Variants in COL11A2 observed in about 807,000 individuals in gnomAD.
COL11A2 encodes the protein collagen type XI alpha 2 chain, also known as collagen alpha-2(XI) chain.
A neutral mutation model predicts 273.4 loss-of-function variants in COL11A2; 116 were observed. The ratio of observed to expected loss-of-function variants is 0.42; its 90% CI spans 0.36 to 0.49. The LOEUF is 0.49. Ranked by LOEUF, COL11A2 falls within the 20% of genes least tolerant of loss-of-function variation. The pLI is 0.00. For missense variants in COL11A2, 1,866 were observed against 2,309.0 expected, an observed-to-expected ratio of 0.81 and a Z score of 3.93; for synonymous variants, 782 against 864.2, an observed-to-expected ratio of 0.90 and a Z score of 1.67.
Position 33,184,846 on chromosome 6 carries a change from A to T in COL11A2, c.939+146T>A, listed in dbSNP as rs999295689. 9 of 694,836 alleles carry T rather than the reference A, an allele frequency of 1.3e-5. No individual in the cohort carries two copies. In the East Asian group the frequency reaches 2.4e-4, roughly 19 times the overall value. 43.0% of individuals were successfully genotyped at this position (694,836 alleles called of 1,614,324 possible). A position where few individuals can be genotyped will look rare whatever the true frequency, so the allele number is the denominator to read the frequency against. On this transcript the variant is annotated intron_variant, in intron 7 of 65. Transcript: ENST00000341947. ...CAAGCAGGCCCATAGTTCTAGAGTGACCCAAAGACAGAGGCCATCGATGGA... is the reference window on the plus strand; with the variant it reads ...CAAGCAGGCCCATAGTTCTAGAGTGTCCCAAAGACAGAGGCCATCGATGGA...
At position 33,178,346 on chromosome 6, in the gene COL11A2, C is replaced by T. The variant is rs1771216696; in HGVS notation, c.1780G>A (p.Asp594Asn). The change falls in exon 20 of 66, where the codon GAC (aspartate) becomes AAC (asparagine). Residue 594 changes from aspartate to asparagine, a missense_variant. Coordinates refer to ENST00000341947, the MANE Select transcript of COL11A2 (RefSeq NM_080680.3). The surrounding 1 kb of genome is among the most constrained non-coding windows in gnomAD (Gnocchi z 4.6). Reference protein sequence around the residue: ...PPGEDGERGDDGEIGPRGLPG... With the variant: ...PPGEDGERGDNGEIGPRGLPG... ...AGCCCTCGAGGCCCAATCTCCCCGT[C>T]ATCTCCCTGGAGGAGGAGGACACGG... The T allele has an allele frequency of 6.2e-7, 1 of 1,612,992 alleles. No homozygotes were observed. Among genetic ancestry groups the T allele is most frequent in the Non-Finnish European group, 8.5e-7 (1 of 1,179,990 alleles).
chr6:33,191,248 T>G (rs1239366853), intron 1 of COL11A2, among the ~76,000 whole-genome samples: 1 of 152,222 alleles, frequency 6.6e-6, no homozygotes, highest in African/African-American at 2.4e-5. Context: ...TTCTGTAATC[T>G]AATCTAAATC....
At position 33,170,979 on chromosome 6, in the gene COL11A2, C is replaced by G. The variant is rs977770718; in HGVS notation, c.3367-62G>C. ...GGATGGGTCATGGGTCAGGTGTTCTCTATCCACAAATACCACACACAGCTG... is the reference window on the plus strand; with the variant it reads ...GGATGGGTCATGGGTCAGGTGTTCTGTATCCACAAATACCACACACAGCTG... On this transcript the variant is annotated intron_variant, in intron 45 of 65. Coordinates refer to ENST00000341947, the MANE Select transcript of COL11A2 (RefSeq NM_080680.3). This position sits in a 1 kb window ranked among gnomAD's most constrained non-coding sequence, Gnocchi z 4.3. 31 of 1,591,264 alleles carry G rather than the reference C, an allele frequency of 1.9e-5. No individual in the cohort carries two copies. In the African/African-American group the frequency reaches 3.5e-4, roughly 18 times the overall value.
rs548592690 is a variant in COL11A2 at position 33,173,349 on chromosome 6, A to G, written c.2735T>C (p.Val912Ala). The G allele has an allele frequency of 1.9e-5, 31 of 1,610,756 alleles. No homozygotes were observed. In the East Asian group the frequency reaches 6.9e-4, roughly 36 times the overall value. ...TGGGTAGCCAGGAGCATCACTCACCACTTCTCCTCTTTGGCCTGGGTGTCC... is the reference window on the plus strand; with the variant it reads ...TGGGTAGCCAGGAGCATCACTCACCGCTTCTCCTCTTTGGCCTGGGTGTCC... ...LPGHPGQRGE[V>A]GFQGKTGPPG... Residue 912 changes from valine (V) to alanine (A), a missense_variant and splice_region_variant, in exon 37 of 66, where the codon GTG (valine) becomes GCG (alanine). Transcript: ENST00000341947. The surrounding 1 kb of genome is among the most constrained non-coding windows in gnomAD (Gnocchi z 6.3).
upstream of COL11A2, among the ~76,000 whole-genome samples, chr6:33,193,372 GC>G (rs1171688891): frequency 7.2e-4 from 97 of 134,872 alleles, 2 homozygotes; most frequent in Non-Finnish European, 2.3e-4. Flanking sequence ...AGAATCCACC[GC>G]CCCCCCTTCC....
chr6:33,176,752 T>A lies in COL11A2; in HGVS notation c.2084A>T (p.Lys695Met). ...GSDGPPGHPG[K>M]EGPPGTKGNQ... ...TCCTTTGGTTCCAGGGGGACCTTCC[T>A]TCCCTGGGTGACCCTGGGAGTAAGG... The change falls in exon 26 of 66, where the codon AAG (lysine) becomes ATG (methionine). Residue 695 changes from lysine (K) to methionine (M), a missense_variant. Lys to Met is a moderately conservative substitution (Grantham distance 95). Transcript: ENST00000341947. This position sits in a 1 kb window ranked among gnomAD's most constrained non-coding sequence, Gnocchi z 4.9. The A allele has an allele frequency of 6.2e-7, 1 of 1,613,150 alleles. No homozygotes were observed. Among genetic ancestry groups the A allele is most frequent in the South Asian group, 1.1e-5 (1 of 90,872 alleles).
Position 33,175,686 on chromosome 6 carries a change from G to A in COL11A2, c.2269-5C>T. On this transcript the variant is annotated splice_polypyrimidine_tract_variant and splice_region_variant and intron_variant, in intron 29 of 65. Coordinates refer to ENST00000341947, the MANE Select transcript of COL11A2 (RefSeq NM_080680.3). Reference sequence around the variant, plus strand: ...ACCAGGGACTCCAACTTCGCCCTGTGTGAGAGGGAAGGACAGGTGAGTGCT... The same window carrying A: ...ACCAGGGACTCCAACTTCGCCCTGTATGAGAGGGAAGGACAGGTGAGTGCT... 6.2e-7 allele frequency: 1 copy of A among 1,612,356 alleles called. No homozygotes were observed. The highest frequency in any genetic ancestry group is 8.5e-7 in the Non-Finnish European group (1 of 1,179,364).
Position 33,167,709 on chromosome 6 carries a change from G to T in COL11A2, c.4014+90C>A. 1.3e-6 allele frequency: 2 copies of T among 1,530,240 alleles called. No homozygotes were observed. The highest frequency in any genetic ancestry group is 1.8e-6 in the Non-Finnish European group (2 of 1,111,930). The allele number at this position is 1,530,240 out of a possible 1,614,324, so 94.8% of individuals were successfully genotyped here. On this transcript the variant is annotated intron_variant, in intron 55 of 65. Transcript: ENST00000341947. The surrounding 1 kb of genome is among the most constrained non-coding windows in gnomAD (Gnocchi z 6.1). ...CCCATAAGGGCCCAACATGGGAGAG[G>T]TGGAGATGGGGTGGGCATCTGGAGA...
Position 33,170,659 on chromosome 6 carries a change from C to T in COL11A2, c.3475-49G>A, listed in dbSNP as rs749470375. 1.9e-6 allele frequency: 3 copies of T among 1,610,076 alleles called. No homozygotes were observed. The highest frequency in any genetic ancestry group is 2.5e-6 in the Non-Finnish European group (3 of 1,177,590). On this transcript the variant is annotated intron_variant, in intron 46 of 65. Coordinates refer to ENST00000341947, the MANE Select transcript of COL11A2 (RefSeq NM_080680.3). This position sits in a 1 kb window ranked among gnomAD's most constrained non-coding sequence, Gnocchi z 4.3. ...GCCCAGGTGACGACCCCACCCAAAG[C>T]ACAGCCCTAGGCAGATAGGCCCCAC... is the stretch of plus-strand genomic sequence containing the variant.
intron 6 of COL11A2, 124 bp downstream of exon 6, chr6:33,185,577 C>A: frequency 2.0e-6 from 1 of 500,336 alleles, no homozygotes; most frequent in Non-Finnish European, 4.0e-6. Flanking sequence ...CTAAGTAAAT[C>A]CCCATAATCT....
Position 33,192,236 on chromosome 6 carries a change from T to A in COL11A2, c.5A>T (p.Glu2Val). 1 of 1,558,644 alleles carries A rather than the reference T, an allele frequency of 6.4e-7. No homozygotes were observed. The highest frequency in any genetic ancestry group is 8.7e-7 in the Non-Finnish European group (1 of 1,151,568). ...GAGGCGATGGCAGCGGCTGCACCGC[T>A]CCATGGCTGAGAAGCCGAAACGCCG... M[E>V]RCSRCHRLLL... Residue 2 changes from glutamate (E) to valine (V), a missense_variant, in exon 1 of 66, where the codon GAG becomes GTG. Transcript: ENST00000341947.
Position 33,165,894 on chromosome 6 carries a change from G to C in COL11A2, c.4482+37C>G, listed in dbSNP as rs1314133253. 4 of 1,613,710 alleles carry C rather than the reference G, an allele frequency of 2.5e-6. No individual in the cohort carries two copies. The Admixed American group carries it at 5.0e-5, about 20-fold the overall frequency. On this transcript the variant is annotated intron_variant, in intron 62 of 65. Coordinates refer to ENST00000341947, the MANE Select transcript of COL11A2 (RefSeq NM_080680.3). The surrounding 1 kb of genome is among the most constrained non-coding windows in gnomAD (Gnocchi z 7.7). ...AAGTGTGGCAGCAGTGGAGCAGAGG[G>C]GTACGGCCCTGGGAGCAGCCCTGAC... is the stretch of plus-strand genomic sequence containing the variant.
At position 33,176,972 on chromosome 6, in the gene COL11A2, G is replaced by A. The variant is rs773820640; in HGVS notation, c.2070+20C>T. ...TGGAAGGCCAAGGGGAACTGGATTCGGAAGTGGGGTCCCACTCACCGGGGG... is the reference window on the plus strand; with the variant it reads ...TGGAAGGCCAAGGGGAACTGGATTCAGAAGTGGGGTCCCACTCACCGGGGG... On this transcript the variant is annotated intron_variant, in intron 25 of 65. Coordinates refer to ENST00000341947, the MANE Select transcript of COL11A2 (RefSeq NM_080680.3). This position sits in a 1 kb window ranked among gnomAD's most constrained non-coding sequence, Gnocchi z 4.9. The A allele has an allele frequency of 3.6e-5, 58 of 1,608,044 alleles. No individual in the cohort carries two copies. The highest frequency in any genetic ancestry group is 1.1e-4 in the South Asian group (10 of 90,032).
intron 8 of COL11A2, among the ~76,000 whole-genome samples, chr6:33,182,511 AGACCAG>A (rs1460508343): frequency 6.6e-6 from 1 of 152,030 alleles, no homozygotes; most frequent in Non-Finnish European, 1.5e-5. Context: ...CAGTAGTTTG[AGACCAG>A]CCTGGCCAAC....
chr6:33,163,721 C>T lies in COL11A2; in HGVS notation c.5168G>A (p.Arg1723Lys), dbSNP rs912572166. 7 of 1,613,014 alleles carry T rather than the reference C, an allele frequency of 4.3e-6. No homozygotes were observed. The highest frequency in any genetic ancestry group is 5.1e-6 in the Non-Finnish European group (6 of 1,180,040). The change falls in exon 66 of 66, where the codon AGG (arginine) becomes AAG (lysine). Residue 1723 changes from arginine (R) to lysine (K), a missense_variant. By Grantham distance (26) the Arg-to-Lys change is conservative. Coordinates refer to ENST00000341947, the MANE Select transcript of COL11A2 (RefSeq NM_080680.3). This position sits in a 1 kb window ranked among gnomAD's most constrained non-coding sequence, Gnocchi z 4.1. ...AGGCCCCAGCAGCACCCCTCCCCGC[C>T]TCGGTGGGGCTCCCAGGTCTGAGAA... Reference protein sequence around the residue: ...ASFSDLGAPPRRGGVLLGPVC... With the variant: ...ASFSDLGAPPKRGGVLLGPVC...
In COL11A2 at chr6:33,165,436, C is replaced by T; in HGVS notation, c.4750+113G>A. ...TAAATAGCTGCAGTTCCCAGCCCCTCAGCCCTCACCCTTAACCCAACACCT... is the reference window on the plus strand; with the variant it reads ...TAAATAGCTGCAGTTCCCAGCCCCTTAGCCCTCACCCTTAACCCAACACCT... On this transcript the variant is annotated intron_variant, in intron 63 of 65. Coordinates refer to ENST00000341947, the MANE Select transcript of COL11A2 (RefSeq NM_080680.3). The surrounding 1 kb of genome is among the most constrained non-coding windows in gnomAD (Gnocchi z 7.7). 2 of 1,515,186 alleles carry T rather than the reference C, an allele frequency of 1.3e-6. No homozygotes were observed. The highest frequency in any genetic ancestry group is 1.8e-6 in the Non-Finnish European group (2 of 1,105,884). 93.9% of individuals were successfully genotyped at this position (1,515,186 alleles called of 1,614,324 possible).
In COL11A2 at chr6:33,167,454, T is replaced by C. The variant is rs1769324408; in HGVS notation, c.4094A>G (p.Asp1365Gly). 6.3e-7 allele frequency: 1 copy of C among 1,583,550 alleles called. No homozygotes were observed. Among genetic ancestry groups the C allele is most frequent in the African/African-American group, 1.4e-5 (1 of 73,412 alleles). ...PAGPAGKPGP[D>G]GLRGLPGSVG... ...TGAGCCTGGGAGCCCCCTCAGACCATCAGGGCCAGGTTTCCCTGCTGGGCC... is the reference window on the plus strand; with the variant it reads ...TGAGCCTGGGAGCCCCCTCAGACCACCAGGGCCAGGTTTCCCTGCTGGGCC... The change falls in exon 56 of 66, where the codon GAT (aspartate) becomes GGT (glycine). Residue 1365 changes from aspartate (D) to glycine (G), a missense_variant. Coordinates refer to ENST00000341947, the MANE Select transcript of COL11A2 (RefSeq NM_080680.3). The surrounding 1 kb of genome is among the most constrained non-coding windows in gnomAD (Gnocchi z 6.1).
intron 29 of COL11A2, 101 bp from the exon 30 acceptor site, chr6:33,175,782 TC>T: frequency 1.6e-6 from 2 of 1,236,884 alleles, no homozygotes; most frequent in Non-Finnish European, 1.2e-6. Context: ...GCTAGAGGGG[TC>T]CCAGGAGCCA....
chr6:33,186,460 CTT>C (rs1043858937), intron 5 of COL11A2, 165 bp downstream of exon 5: 4 of 1,457,940 alleles, frequency 2.7e-6, no homozygotes, highest in South Asian at 1.5e-5. Context: ...CATAACAACT[CTT>C]TTTATTTTTA....
Sources: allele counts gnomAD v4.1 joint callset (sites outside exome capture counted in the v4.1 genomes callset), GRCh38; gene constraint gnomAD v4.1.1; non-coding constraint Gnocchi (gnomAD v3.1); transcripts MANE v1.5; gene names NCBI Gene and HGNC (gene_info 2026-07-23, HGNC 2026-07-21).